HMGCLL1: variants seen among roughly 807,000 people sequenced by gnomAD.
HMGCLL1 encodes 3-hydroxymethyl-3-methylglutaryl-CoA lyase, cytoplasmic.
Under a neutral mutation model 39.1 loss-of-function variants are expected in HMGCLL1, and 36 were observed. The ratio of observed to expected loss-of-function variants is 0.92; its 90% CI spans 0.71 to 1.22. The LOEUF (loss-of-function observed/expected upper bound fraction) is 1.22, where lower values mean the gene tolerates loss of function less well. Among genes scored for constraint, HMGCLL1 ranks in the 50% most tolerant of loss-of-function variants. HMGCLL1 has a pLI of 0.00. For synonymous variants in HMGCLL1, 149 were observed against 144.0 expected, an observed-to-expected ratio of 1.03 and a Z score of -0.25; for missense variants, 451 against 416.5, an observed-to-expected ratio of 1.08 and a Z score of -0.72.
chr6:55,578,516 C>A (rs995654685), intron 1 of HMGCLL1, among the ~76,000 whole-genome samples: 2 of 152,112 alleles, frequency 1.3e-5, no homozygotes, highest in Non-Finnish European at 2.9e-5. Context: ...TCTTCTTAAC[C>A]TTCTACCGGT....
At chr6:55,538,769 C>A (rs182661330) in intron 3 of HMGCLL1, among the ~76,000 whole-genome samples, 1 of 152,150 alleles carries the variant, frequency 6.6e-6, no homozygotes, top group Non-Finnish European at 1.5e-5. Context: ...ATAAACGATA[C>A]ATGATCACTA....
chr6:55,494,786 C>T (rs1391924961), intron 7 of HMGCLL1, among the ~76,000 whole-genome samples: 2 of 152,076 alleles, frequency 1.3e-5, no homozygotes, highest in African/African-American at 2.4e-5. Flanking sequence ...AAATAATACT[C>T]GTTTAATGCT....
chr6:55,602,259 T>A, the HMGCLL1 span, among the ~76,000 whole-genome samples: 1 of 151,014 alleles, frequency 6.6e-6, no homozygotes, highest in Non-Finnish European at 1.5e-5. Flanking sequence ...CTTGAAGACT[T>A]TTTTTGTTAA....
At chr6:55,589,281 TA>T in the HMGCLL1 span, among the ~76,000 whole-genome samples, 1 of 152,124 alleles carries the variant, frequency 6.6e-6, no homozygotes, top group African/African-American at 2.4e-5. Flanking sequence ...ATCCAGCATA[TA>T]AACAGAACCA....
chr6:55,650,641 C>T, the HMGCLL1 span, among the ~76,000 whole-genome samples: 2 of 151,982 alleles, frequency 1.3e-5, no homozygotes, highest in Non-Finnish European at 2.9e-5. Context: ...GTTCCCCTAT[C>T]CCCCGGGTAT....
intron 3 of HMGCLL1, among the ~76,000 whole-genome samples, chr6:55,530,472 A>G (rs951432467): frequency 2.0e-5 from 3 of 152,096 alleles, no homozygotes; most frequent in Non-Finnish European, 4.4e-5. Flanking sequence ...CCAATCAGTG[A>G]TGAATTGATA....
chr6:55,627,295 G>A, the HMGCLL1 span, among the ~76,000 whole-genome samples: 1 of 151,888 alleles, frequency 6.6e-6, no homozygotes, highest in Admixed American at 6.6e-5. Flanking sequence ...TTTATTATGT[G>A]ACATAAGATT....
chr6:55,576,458 GT>G (rs1003427329), intron 1 of HMGCLL1, among the ~76,000 whole-genome samples: 1 of 152,188 alleles, frequency 6.6e-6, no homozygotes, highest in African/African-American at 2.4e-5. Context: ...CACATTAAAA[GT>G]TTTGGTGTCC....
chr6:55,442,195 T>C lies in HMGCLL1; in HGVS notation c.796-2636A>G, dbSNP rs1358236677. On this transcript the variant is annotated intron_variant, in intron 7 of 8. Transcript: ENST00000274901. ...CTATAAAGTCTCCCCACAGTCTTTC[T>C]GTATTGTACGTTTTGGAAAAATGTC... Among the ~76,000 whole-genome samples the C allele has an allele frequency of 3.3e-5, 5 of 152,148 alleles. No homozygotes were observed. In the East Asian group the frequency reaches 7.7e-4, roughly 23 times the overall value.
chr6:55,510,074 A>T (rs1211048988), intron 5 of HMGCLL1, among the ~76,000 whole-genome samples: 2 of 152,018 alleles, frequency 1.3e-5, no homozygotes, highest in Non-Finnish European at 2.9e-5. Flanking sequence ...ACCAGTTACA[A>T]TTCACAGATA....
chr6:55,485,269 C>G (rs1269888823), intron 7 of HMGCLL1, among the ~76,000 whole-genome samples: 2 of 151,864 alleles, frequency 1.3e-5, no homozygotes, highest in African/African-American at 4.8e-5. Flanking sequence ...CTTTTATCGC[C>G]AATTAATATG....
At chr6:55,658,458 C>T in the HMGCLL1 span, among the ~76,000 whole-genome samples, 5 of 151,880 alleles carry the variant, frequency 3.3e-5, no homozygotes, top group South Asian at 4.1e-4. Flanking sequence ...GATGGGAATG[C>T]GTTGTGGGGC....
rs1581775299 is a variant in HMGCLL1, at chr6:55,434,473, T to C, written c.*1189A>G. ...TGTTTCAATTTATATTCAAATTTAC[T>C]CAAAGATAATATCACCCGGTATTAT... On this transcript the variant is annotated 3_prime_UTR_variant, in exon 9 of 9. Transcript: ENST00000274901. 1 of 152,078 alleles carries C rather than the reference T, an allele frequency of 6.6e-6. No homozygotes were observed. The highest frequency in any genetic ancestry group is 1.9e-4 in the East Asian group (1 of 5,188). The allele number at this position is 152,078 out of a possible 1,614,324, so 9.4% of individuals were successfully genotyped here.
chr6:55,625,358 A>G, the HMGCLL1 span, among the ~76,000 whole-genome samples: 1 of 152,136 alleles, frequency 6.6e-6, no homozygotes, highest in Non-Finnish European at 1.5e-5. Flanking sequence ...AAGGTCCTGA[A>G]GGCAAAAGTA....
chr6:55,541,664 A>G (rs1581921378), intron 3 of HMGCLL1, 65 bp downstream of exon 3: 1 of 786,122 alleles, frequency 1.3e-6, no homozygotes, highest in East Asian at 2.6e-5. Flanking sequence ...ATATCACAGT[A>G]TTTACCAAAT....
At chr6:55,616,100 C>T in the HMGCLL1 span, among the ~76,000 whole-genome samples, 14 of 152,120 alleles carry the variant, frequency 9.2e-5, no homozygotes, top group East Asian at 2.3e-3. Flanking sequence ...TAAAAATAGC[C>T]ATATAGTCTT....
rs538383590 is a variant in HMGCLL1 at position 55,482,608 on chromosome 6, T to G, written c.795+12811A>C. ...TATTCTTTTAATTTGGACCTTCAAC[T>G]GAAAGTCATGGGTTTTGGTTACTGA... On this transcript the variant is annotated intron_variant, in intron 7 of 8. Transcript: ENST00000274901. 2.0e-5 allele frequency among the ~76,000 whole-genome samples: 3 copies of G among 152,272 alleles called. 1 individual carries two copies. The highest frequency in any genetic ancestry group is 1.5e-5 in the Non-Finnish European group (1 of 67,986).
At chr6:55,537,914 A>G (rs1366987176) in intron 3 of HMGCLL1, among the ~76,000 whole-genome samples, 1 of 152,158 alleles carries the variant, frequency 6.6e-6, no homozygotes, top group Non-Finnish European at 1.5e-5. Flanking sequence ...CCTAGAATAA[A>G]TCATATCATT....
chr6:55,493,784 G>A (rs1228095954), intron 7 of HMGCLL1, among the ~76,000 whole-genome samples: 1 of 151,724 alleles, frequency 6.6e-6, no homozygotes, highest in Non-Finnish European at 1.5e-5. Context: ...CCAGGCTGCA[G>A]TGCAGTGGTA....
Sources: allele counts gnomAD v4.1 joint callset (sites outside exome capture counted in the v4.1 genomes callset), GRCh38; gene constraint gnomAD v4.1.1; transcripts MANE v1.5; gene names NCBI Gene and HGNC (gene_info 2026-07-23, HGNC 2026-07-21).